NFATC3: variants seen among roughly 807,000 people sequenced by gnomAD.
NFATC3 encodes nuclear factor of activated T cells 3, also known as nuclear factor of activated T-cells, cytoplasmic 3.
NFATC3 carries 46 observed loss-of-function variants against 98.6 expected under a neutral mutation model. That is an observed-to-expected ratio of 0.47 (90% CI 0.37 to 0.60). The LOEUF (loss-of-function observed/expected upper bound fraction) is 0.60. Among genes scored for constraint, NFATC3 ranks in the 20% least tolerant of loss-of-function variants. The probability of loss-of-function intolerance (pLI) is 0.00; values close to 1 mark genes in which losing one functional copy is unlikely to be tolerated. For missense variants in NFATC3, 1,256 were observed against 1,295.5 expected, an observed-to-expected ratio of 0.97 and a Z score of 0.47; for synonymous variants, 512 against 472.2, an observed-to-expected ratio of 1.08 and a Z score of -1.09.
At chr16:68,113,868 A>G (rs1208820054) in intron 1 of NFATC3, among the ~76,000 whole-genome samples, 2 of 152,248 alleles carry the variant, frequency 1.3e-5, no homozygotes, top group Admixed American at 1.3e-4. Flanking sequence ...TGCCACCGCC[A>G]CTGTGTTGTG....
intron 1 of NFATC3, among the ~76,000 whole-genome samples, chr16:68,110,017 T>C (rs1176888521): frequency 1.3e-5 from 2 of 152,158 alleles, no homozygotes; most frequent in African/African-American, 4.8e-5. Flanking sequence ...TTTGTTTGTT[T>C]GTTTTGAGAT....
chr16:68,147,114 C>G (rs975091492), intron 3 of NFATC3, among the ~76,000 whole-genome samples: 1 of 152,140 alleles, frequency 6.6e-6, no homozygotes, highest in Non-Finnish European at 1.5e-5. Flanking sequence ...TTACCTTCCC[C>G]CAACATCAGT....
chr16:68,114,896 C>T lies in NFATC3; in HGVS notation c.104-7091C>T, dbSNP rs560595086. ...CCGGAAAACCACTTTTTAAGGAAAT[C>T]GTTTGTTTTATTTTGTAATTAACCT... On this transcript the variant is annotated intron_variant, in intron 1 of 9. Transcript: ENST00000346183. Among the ~76,000 whole-genome samples, 27 of 152,120 alleles carry T rather than the reference C, an allele frequency of 1.8e-4. No individual in the cohort carries two copies. The South Asian group carries it at 5.4e-3, about 30-fold the overall frequency.
chr16:68,162,078 G>A (rs1454342169), intron 4 of NFATC3, among the ~76,000 whole-genome samples: 2 of 152,156 alleles, frequency 1.3e-5, no homozygotes, highest in African/African-American at 4.8e-5. Context: ...GTAACATACA[G>A]GTAGTCCTCC....
chr16:68,144,942 G>GCC (rs1344703740), intron 3 of NFATC3, among the ~76,000 whole-genome samples: 6 of 152,064 alleles, frequency 3.9e-5, no homozygotes, highest in Admixed American at 3.3e-4. Context: ...ACAGGTATGA[G>GCC]CCACCGCACA....
At chr16:68,127,965 A>G (rs572776730) in intron 3 of NFATC3, among the ~76,000 whole-genome samples, 16 of 152,222 alleles carry the variant, frequency 1.1e-4, no homozygotes, top group East Asian at 7.7e-4. Context: ...GTTAGATTCA[A>G]TGCTCACTAC....
At chr16:68,199,407 G>C (rs944866796) in intron 9 of NFATC3, among the ~76,000 whole-genome samples, 2 of 146,236 alleles carry the variant, frequency 1.4e-5, no homozygotes, top group African/African-American at 5.0e-5. Context: ...GTATTTTTTA[G>C]TAGAGGCGGG....
chr16:68,085,952 G>A, intron 1 of NFATC3, 168 bp downstream of exon 1: 2 of 497,332 alleles, frequency 4.0e-6, no homozygotes, highest in Non-Finnish European at 6.8e-6. Flanking sequence ...CTGAGGAGGC[G>A]TGTGGGTCGC....
intron 9 of NFATC3, among the ~76,000 whole-genome samples, chr16:68,205,981 C>A (rs1399090030): frequency 6.6e-6 from 1 of 151,852 alleles, no homozygotes; most frequent in Non-Finnish European, 1.5e-5. Context: ...CACTGCAACC[C>A]CCACCTCCCA....
At chr16:68,128,346 G>T (rs771654292) in intron 3 of NFATC3, among the ~76,000 whole-genome samples, 1 of 151,552 alleles carries the variant, frequency 6.6e-6, no homozygotes, top group Non-Finnish European at 1.5e-5. Flanking sequence ...ATTAAGAAAC[G>T]CCAGGAAAAC....
Position 68,207,834 on chromosome 16 carries a change from T to C in NFATC3, c.3106+16059T>C, listed in dbSNP as rs1029702701. Reference sequence around the variant, plus strand: ...CAGCCACACCATTTTACATTTACAATGTATAAGGCTTTCAGTTTCTTTATA... The same window carrying C: ...CAGCCACACCATTTTACATTTACAACGTATAAGGCTTTCAGTTTCTTTATA... On this transcript the variant is annotated intron_variant, in intron 9 of 9. Transcript: ENST00000346183. Among the ~76,000 whole-genome samples the C allele has an allele frequency of 7.4e-4, 112 of 152,172 alleles. 1 individual carries two copies. The highest frequency in any genetic ancestry group is 2.7e-3 in the African/African-American group (111 of 41,448).
At position 68,166,931 on chromosome 16, in the gene NFATC3, G is replaced by A. The variant is rs1456661221; in HGVS notation, c.1690G>A (p.Val564Ile). 2 of 1,614,178 alleles carry A rather than the reference G, an allele frequency of 1.2e-6. No homozygotes were observed. The highest frequency in any genetic ancestry group is 4.5e-5 in the East Asian group (2 of 44,880). ...ETDIGRKNTR[V>I]RLVFRVHIPQ... is the part of the protein sequence containing the mutation. ...TGATATTGGCAGAAAGAATACTAGA[G>A]TACGACTTGTGTTTCGTGTACACAT... Residue 564 changes from valine to isoleucine, a missense_variant, in exon 5 of 10, where the codon GTA becomes ATA. Coordinates refer to ENST00000346183, the MANE Select transcript of NFATC3 (RefSeq NM_173165.3).
At chr16:68,210,943 G>A (rs989432497) in intron 9 of NFATC3, among the ~76,000 whole-genome samples, 2 of 151,624 alleles carry the variant, frequency 1.3e-5, no homozygotes, top group Middle Eastern at 3.4e-3. Flanking sequence ...CACCATGCCC[G>A]GCTAATTTTT....
chr16:68,217,266 T>C (rs2041672234), intron 9 of NFATC3, among the ~76,000 whole-genome samples: 1 of 151,910 alleles, frequency 6.6e-6, no homozygotes, highest in South Asian at 2.1e-4. Flanking sequence ...ACCTTGTCTT[T>C]ACAAAAAATA....
chr16:68,098,014 A>C (rs1354369711), intron 1 of NFATC3, among the ~76,000 whole-genome samples: 1 of 152,088 alleles, frequency 6.6e-6, no homozygotes, highest in Non-Finnish European at 1.5e-5. Flanking sequence ...AGATATGTCC[A>C]TGTTATTGAG....
At chr16:68,221,503 T>C (rs2041863831) in intron 9 of NFATC3, 2 of 1,264,178 alleles carry the variant, frequency 1.6e-6, no homozygotes, top group East Asian at 6.1e-5. Flanking sequence ...GTCCCCAAAT[T>C]GTTTTAAAGA....
At chr16:68,118,970 C>T (rs931475042) in intron 1 of NFATC3, among the ~76,000 whole-genome samples, 1 of 152,178 alleles carries the variant, frequency 6.6e-6, no homozygotes, top group African/African-American at 2.4e-5. Flanking sequence ...TGGGTTCACG[C>T]CATTCTCCCA....
At chr16:68,187,902 C>T (rs1452526174) in intron 8 of NFATC3, among the ~76,000 whole-genome samples, 2 of 152,136 alleles carry the variant, frequency 1.3e-5, no homozygotes, top group African/African-American at 4.8e-5. Flanking sequence ...CACTGGCAAC[C>T]CACCTCTTTC....
Position 68,163,315 on chromosome 16 carries a change from C to T in NFATC3, c.1602-3528C>T, listed in dbSNP as rs1001148889. 2.2e-4 allele frequency among the ~76,000 whole-genome samples: 33 copies of T among 150,930 alleles called. No homozygotes were observed. In the Middle Eastern group the frequency reaches 0.011, roughly 49 times the overall value. ...CTCCTCACTTCCCAGTAGGGGCGGC[C>T]GGGCAGAGGCGCCCCTCACCTCCCG... On this transcript the variant is annotated intron_variant, in intron 4 of 9. Transcript: ENST00000346183.
Sources: gnomAD v4.1 joint callset for allele counts (sites outside exome capture counted in the v4.1 genomes callset) on GRCh38, gnomAD v4.1.1 for gene constraint, MANE v1.5 for transcripts, NCBI Gene and HGNC (gene_info 2026-07-23, HGNC 2026-07-21) for gene names.